Variants in TSC22D3 observed in about 807,000 individuals in gnomAD.
The protein encoded by TSC22D3 is TSC22 domain family member 3.
A neutral mutation model predicts 11.1 loss-of-function variants in TSC22D3; 4 were observed. That is an observed-to-expected ratio of 0.36 (90% CI 0.18 to 0.83). The LOEUF (loss-of-function observed/expected upper bound fraction) is 0.83. Ranked by LOEUF, TSC22D3 falls within the 40% of genes least tolerant of loss-of-function variation. The pLI is 0.48. For synonymous variants in TSC22D3, 77 were observed against 70.3 expected (o/e 1.10, Z -0.48); for missense variants, 118 against 159.4 (o/e 0.74, Z 1.40).
intron 1 of TSC22D3, among the ~76,000 whole-genome samples, chrX:107,721,061 C>T (rs776462022): frequency 1.8e-5 from 2 of 112,008 alleles, no homozygotes; most frequent in East Asian, 5.6e-4. Flanking sequence ...GTAGGCTGGA[C>T]CCAGAGCCAA....
chrX:107,738,037 G>A (rs1488568036), intron 1 of TSC22D3, among the ~76,000 whole-genome samples: 1 of 112,222 alleles, frequency 8.9e-6, no homozygotes, highest in Non-Finnish European at 1.9e-5. Context: ...GTCCTGGCTG[G>A]CTGCAAGGGG....
intron 1 of TSC22D3, among the ~76,000 whole-genome samples, chrX:107,718,757 G>A (rs1482222828): frequency 8.9e-6 from 1 of 112,426 alleles, no homozygotes; most frequent in Non-Finnish European, 1.9e-5. Context: ...ACTAGCCCGG[G>A]ATGGTGTTTT....
intron 1 of TSC22D3, among the ~76,000 whole-genome samples, chrX:107,721,619 T>G (rs934794116): frequency 1.8e-5 from 2 of 112,326 alleles, no homozygotes; most frequent in Admixed American, 9.4e-5. Context: ...TTCGGCAATG[T>G]TGCCAGCAAA....
chrX:107,734,878 T>TAAAAAAAAAAAAAAAAAAAAAAAA, intron 1 of TSC22D3, among the ~76,000 whole-genome samples: 1 of 37,276 alleles, frequency 2.7e-5, no homozygotes, highest in Non-Finnish European at 4.2e-5. Context: ...CAACTCTACG[T>TAAAAAAAAAAAAAAAAAAAAAAAA]AAAAAAAAAA....
chrX:107,769,470 G>C (rs1253266084), intron 1 of TSC22D3, among the ~76,000 whole-genome samples: 1 of 111,253 alleles, frequency 9.0e-6, no homozygotes, highest in African/African-American at 3.3e-5. Context: ...AGGTTACCAG[G>C]GGGTAGTGGG....
intron 1 of TSC22D3, among the ~76,000 whole-genome samples, chrX:107,724,578 C>T (rs1291489201): frequency 1.8e-5 from 2 of 113,030 alleles, no homozygotes; most frequent in African/African-American, 6.4e-5. Context: ...ACAGTAAGGC[C>T]ACAAGACATA....
intron 1 of TSC22D3, among the ~76,000 whole-genome samples, chrX:107,760,937 T>G (rs1929411461): frequency 9.0e-6 from 1 of 111,698 alleles, no homozygotes; most frequent in Non-Finnish European, 1.9e-5. Flanking sequence ...GAAAAGGGTA[T>G]GTGAGTGACA....
At chrX:107,774,753 A>T (rs1670762803) in intron 1 of TSC22D3, 1 of 248,641 alleles carries the variant, frequency 4.0e-6, no homozygotes, top group African/African-American at 2.8e-5. Context: ...GGAACTCAAG[A>T]AGACCCCATG....
intron 1 of TSC22D3, among the ~76,000 whole-genome samples, chrX:107,733,302 A>T (rs1203428851): frequency 8.9e-6 from 1 of 111,792 alleles, no homozygotes. Flanking sequence ...GAGCATGCGC[A>T]CTTTCTACAT....
At position 107,718,600 on chromosome X, in the gene TSC22D3, C is replaced by T. The variant is rs181162642; in HGVS notation, c.321-2650G>A. 3.4e-4 allele frequency among the ~76,000 whole-genome samples: 39 copies of T among 113,345 alleles called. 1 individual carries two copies. Among genetic ancestry groups the T allele is most frequent in the African/African-American group, 1.2e-3 (38 of 31,257 alleles). On this transcript the variant is annotated intron_variant, in intron 1 of 2. Transcript: ENST00000372383. ...CAGTCTGAAGGCCTTGATTTCCTCC[C>T]GGCTTCCAGGGCAGTTATGCCACTG... is the stretch of plus-strand genomic sequence containing the variant.
intron 1 of TSC22D3, among the ~76,000 whole-genome samples, chrX:107,718,328 C>T (rs192794045): frequency 3.7e-4 from 41 of 112,328 alleles, no homozygotes. Context: ...ATTATTTACA[C>T]CAACTCAGGA....
intron 1 of TSC22D3, among the ~76,000 whole-genome samples, chrX:107,724,365 G>GA (rs762188626): frequency 8.8e-6 from 1 of 113,281 alleles, no homozygotes; most frequent in Non-Finnish European, 1.9e-5. Flanking sequence ...AGGGCTTAAG[G>GA]AAGGTCTCCT....
At chrX:107,744,049 C>G (rs755919665) in intron 1 of TSC22D3, among the ~76,000 whole-genome samples, 15 of 112,234 alleles carry the variant, frequency 1.3e-4, no homozygotes, top group Non-Finnish European at 2.6e-4. Context: ...AAGCCTACTC[C>G]GTGGCCAGAC....
chrX:107,761,893 T>A (rs1050327008), intron 1 of TSC22D3, among the ~76,000 whole-genome samples: 1 of 112,361 alleles, frequency 8.9e-6, no homozygotes, highest in Non-Finnish European at 1.9e-5. Flanking sequence ...GCACTTGCAG[T>A]GCCCCATGTC....
At chrX:107,724,291 C>T (rs1244166180) in intron 1 of TSC22D3, among the ~76,000 whole-genome samples, 1 of 112,953 alleles carries the variant, frequency 8.9e-6, no homozygotes, top group Non-Finnish European at 1.9e-5. Flanking sequence ...ACAGGGCCAG[C>T]TTCTCCCTGG....
chrX:107,757,324 G>T (rs1039349112), intron 1 of TSC22D3, among the ~76,000 whole-genome samples: 1 of 111,592 alleles, frequency 9.0e-6, no homozygotes, highest in African/African-American at 3.3e-5. Context: ...AGGTCACAGG[G>T]TCTCTGGATA....
At chrX:107,729,190 C>T (rs1397939170) in intron 1 of TSC22D3, among the ~76,000 whole-genome samples, 2 of 111,865 alleles carry the variant, frequency 1.8e-5, no homozygotes, top group African/African-American at 6.5e-5. Flanking sequence ...TGGGAGACCC[C>T]GTTTGCTTGC....
At chrX:107,737,380 AG>A (rs1453529873) in intron 1 of TSC22D3, among the ~76,000 whole-genome samples, 1 of 111,921 alleles carries the variant, frequency 8.9e-6, no homozygotes, top group Non-Finnish European at 1.9e-5. Flanking sequence ...TTTGTCACAC[AG>A]GGGTTTCGCT....
chrX:107,746,110 G>A (rs1385724064), intron 1 of TSC22D3, among the ~76,000 whole-genome samples: 2 of 111,966 alleles, frequency 1.8e-5, no homozygotes, highest in East Asian at 2.8e-4. Flanking sequence ...TTGGCTTGGA[G>A]ATTGTTTCCC....
Sources: gnomAD v4.1 joint callset for allele counts (sites outside exome capture counted in the v4.1 genomes callset) on GRCh38, gnomAD v4.1.1 for gene constraint, MANE v1.5 for transcripts, NCBI Gene and HGNC (gene_info 2026-07-23, HGNC 2026-07-21) for gene names.